The following TP53BP1 variants were observed in gnomAD, a reference collection of about 807,000 sequenced individuals.
TP53BP1 encodes the protein tumor protein p53 binding protein 1.
TP53BP1 carries 61 observed loss-of-function variants against 200.8 expected under a neutral mutation model. The observed-to-expected ratio is 0.30, with a 90% CI of 0.25 to 0.38. The LOEUF is 0.38. Ranked by LOEUF, TP53BP1 falls within the 10% of genes least tolerant of loss-of-function variation. The pLI, the probability that TP53BP1 is intolerant of heterozygous loss-of-function variation, is 1.00. For missense variants in TP53BP1, 2,144 were observed against 2,371.9 expected (o/e 0.90, Z 2.00); for synonymous variants, 822 against 844.3 (o/e 0.97, Z 0.46).
intron 1 of TP53BP1, among the ~76,000 whole-genome samples, chr15:43,502,117 A>T (rs2079212227): frequency 6.6e-6 from 1 of 152,154 alleles, no homozygotes. Flanking sequence ...CCAGAAGTTC[A>T]AGACCAGCCT....
chr15:43,439,553 A>G (rs2045879539), intron 15 of TP53BP1, among the ~76,000 whole-genome samples: 1 of 152,150 alleles, frequency 6.6e-6, no homozygotes, highest in South Asian at 2.1e-4. Context: ...CAAACAAAAA[A>G]TCTCCACCTA....
At chr15:43,479,664 A>T in intron 6 of TP53BP1, 138 bp from the exon 7 acceptor site, 2 of 1,177,616 alleles carry the variant, frequency 1.7e-6, no homozygotes, top group Non-Finnish European at 2.4e-6. Flanking sequence ...TCTATAAAGG[A>T]AAGTAACCAA....
chr15:43,409,309 G>GACCT (rs1361461827), intron 25 of TP53BP1: 1 of 597,222 alleles, frequency 1.7e-6, no homozygotes, highest in Non-Finnish European at 3.0e-6. Context: ...GCATACTGAG[G>GACCT]ACCTAAATCC....
intron 11 of TP53BP1, among the ~76,000 whole-genome samples, chr15:43,460,252 ATGTTTTGTTTTGTTT>A (rs561446120): frequency 6.6e-6 from 1 of 151,806 alleles, no homozygotes; most frequent in Non-Finnish European, 1.5e-5. Context: ...TTCATTTCCT[ATGTTTTGTTTTGTTT>A]TGTTTTGTTT....
At position 43,404,896 on chromosome 15, in the gene TP53BP1, G is replaced by A. The variant is rs999707110; in HGVS notation, c.*2487C>T. On this transcript the variant is annotated 3_prime_UTR_variant, in exon 28 of 28. Coordinates refer to ENST00000382044, the MANE Select transcript of TP53BP1 (RefSeq NM_001141980.3). ...CCCGCCTTGCTGGTCCCTAGCTTCC[G>A]CATCTGTGAAAGGAGGCGACCACCC... 1.8e-5 allele frequency: 9 copies of A among 488,214 alleles called. No homozygotes were observed. The highest frequency in any genetic ancestry group is 3.7e-5 in the Admixed American group (1 of 26,966). The allele number at this position is 488,214 out of a possible 1,614,324, so 30.2% of individuals were successfully genotyped here.
chr15:43,473,828 G>A lies in TP53BP1; in HGVS notation c.1180+845C>T, dbSNP rs775976339. Among the ~76,000 whole-genome samples, 23 of 152,234 alleles carry A rather than the reference G, an allele frequency of 1.5e-4. 1 individual carries two copies. The highest frequency in any genetic ancestry group is 2.2e-4 in the African/African-American group (9 of 41,462). ...GGCTTCACCCAGTGGATCTCGCACG[G>A]GGGCTGCAGGTGGAGCTGCCTACCA... is the stretch of plus-strand genomic sequence containing the variant. On this transcript the variant is annotated intron_variant, in intron 10 of 27. Coordinates refer to ENST00000382044, the MANE Select transcript of TP53BP1 (RefSeq NM_001141980.3).
At chr15:43,478,922 C>T (rs754307533) in intron 7 of TP53BP1, among the ~76,000 whole-genome samples, 3 of 152,170 alleles carry the variant, frequency 2.0e-5, no homozygotes, top group Non-Finnish European at 4.4e-5. Flanking sequence ...CTTAAAACAT[C>T]ATTGCAGGCT....
Position 43,415,696 on chromosome 15 carries a change from G to A in TP53BP1, c.4987C>T (p.Arg1663Cys), listed in dbSNP as rs767106305. 1.2e-6 allele frequency: 2 copies of A among 1,614,184 alleles called. No individual in the cohort carries two copies. Among genetic ancestry groups the A allele is most frequent in the Non-Finnish European group, 1.7e-6 (2 of 1,180,018 alleles). The stretch of plus-strand genomic sequence containing the variant: ...CCTGAGAGAACTCCCATGGAGGCAC[G>A]AGGACTTTCTGTGATCTTTCGGGTA... ...TPTRKITESP[R>C]ASMGVLSGKR... The change falls in exon 23 of 28, where the codon CGT becomes TGT. Residue 1663 changes from arginine (R) to cysteine (C), a missense_variant. Coordinates refer to ENST00000382044, the MANE Select transcript of TP53BP1 (RefSeq NM_001141980.3).
intron 16 of TP53BP1, among the ~76,000 whole-genome samples, chr15:43,433,915 G>A (rs1448773512): frequency 6.6e-6 from 1 of 152,156 alleles, no homozygotes; most frequent in Non-Finnish European, 1.5e-5. Context: ...TTCCTACGTA[G>A]ACAGGGTAAA....
chr15:43,474,158 G>A (rs1014344794), intron 10 of TP53BP1, among the ~76,000 whole-genome samples: 9 of 152,176 alleles, frequency 5.9e-5, no homozygotes, highest in African/African-American at 1.9e-4. Context: ...CGGCAGGGCC[G>A]GCCGGCTGCT....
intron 12 of TP53BP1, among the ~76,000 whole-genome samples, chr15:43,454,555 G>T (rs2143009169): frequency 6.6e-6 from 1 of 151,616 alleles, no homozygotes; most frequent in African/African-American, 2.4e-5. Context: ...TAAAGACAGG[G>T]TTTCTCCATG....
intron 10 of TP53BP1, among the ~76,000 whole-genome samples, chr15:43,472,704 T>G (rs1215633213): frequency 6.6e-6 from 1 of 152,230 alleles, no homozygotes; most frequent in Non-Finnish European, 1.5e-5. Context: ...AGTAGGCCAT[T>G]ATTAATAAGT....
At chr15:43,450,132 G>T (rs2046132898) in intron 12 of TP53BP1, among the ~76,000 whole-genome samples, 1 of 152,182 alleles carries the variant, frequency 6.6e-6, no homozygotes, top group Non-Finnish European at 1.5e-5. Flanking sequence ...AAACAATAAT[G>T]AAGGATATGA....
At chr15:43,492,152 C>A (rs2140157639) in intron 2 of TP53BP1, 57 bp from the exon 3 acceptor site, 1 of 1,514,692 alleles carries the variant, frequency 6.6e-7, no homozygotes, top group Non-Finnish European at 9.1e-7. Context: ...CAAAATGAAA[C>A]CTACTATTTG....
chr15:43,430,390 A>G (rs2045641721), intron 17 of TP53BP1, among the ~76,000 whole-genome samples: 2 of 152,196 alleles, frequency 1.3e-5, no homozygotes, highest in Admixed American at 6.5e-5. Context: ...CTGTTATTCT[A>G]TACACCATCT....
intron 3 of TP53BP1, 40 bp downstream of exon 3, chr15:43,491,962 C>CA (rs1463236986): frequency 1.5e-5 from 22 of 1,512,074 alleles, no homozygotes; most frequent in Non-Finnish European, 2.0e-5. Context: ...CAAGAGCACC[C>CA]AAAAAATGCA....
upstream of TP53BP1, among the ~76,000 whole-genome samples, chr15:43,495,774 G>A (rs1335912778): frequency 1.4e-5 from 2 of 148,018 alleles, no homozygotes; most frequent in African/African-American, 2.5e-5. Context: ...CAGAGATCGC[G>A]CCACTGCACT....
At chr15:43,466,065 T>C (rs1288031856) in intron 11 of TP53BP1, among the ~76,000 whole-genome samples, 1 of 152,166 alleles carries the variant, frequency 6.6e-6, no homozygotes, top group Non-Finnish European at 1.5e-5. Flanking sequence ...TCCTGCAAAC[T>C]ACAAATCAAG....
At chr15:43,421,725 A>T in intron 19 of TP53BP1, 130 bp downstream of exon 19, 2 of 1,289,070 alleles carry the variant, frequency 1.6e-6, no homozygotes, top group Non-Finnish European at 2.1e-6. Flanking sequence ...GCAAATAGTG[A>T]AGAGGGGTAG....
Sources: allele counts gnomAD v4.1 joint callset (sites outside exome capture counted in the v4.1 genomes callset), GRCh38; gene constraint gnomAD v4.1.1; transcripts MANE v1.5; gene names NCBI Gene and HGNC (gene_info 2026-07-23, HGNC 2026-07-21).